STAT5B: variants seen among roughly 807,000 people sequenced by gnomAD.
The protein encoded by STAT5B is transcription factor STAT5B.
A neutral mutation model predicts 107.8 loss-of-function variants in STAT5B; 21 were observed. That is an observed-to-expected ratio of 0.19 (90% confidence interval 0.14 to 0.28). The LOEUF (loss-of-function observed/expected upper bound fraction) is 0.28, where lower values mean the gene tolerates loss of function less well. STAT5B is among the 10% of genes least tolerant of loss of function. The pLI, the probability that STAT5B is intolerant of heterozygous loss-of-function variation, is 1.00. For synonymous variants in STAT5B, 325 were observed against 401.7 expected, an observed-to-expected ratio of 0.81 and a Z score of 2.28; for missense variants, 565 against 1,008.2, an observed-to-expected ratio of 0.56 and a Z score of 5.95.
Position 42,215,997 on chromosome 17 carries a change from C to T in STAT5B, c.1473+17G>A. On this transcript the variant is annotated intron_variant, in intron 12 of 18. Transcript: ENST00000293328. ...GGCATTGATTTTGGGACCCACATGCCCGAGGAATACACTCACAGGCTCTGC... is the reference window on the plus strand; with the variant it reads ...GGCATTGATTTTGGGACCCACATGCTCGAGGAATACACTCACAGGCTCTGC... The T allele has an allele frequency of 6.2e-7, 1 of 1,613,416 alleles. No homozygotes were observed.
chr17:42,218,347 G>C lies in STAT5B; in HGVS notation c.990-17C>G. On this transcript the variant is annotated splice_polypyrimidine_tract_variant and intron_variant, in intron 8 of 18. Transcript: ENST00000293328. ...ATGAACGTGCTGCAGGGGACACAGG[G>C]ACAGATGCATGATGAGGGGCTGGTG... The C allele has an allele frequency of 6.2e-7, 1 of 1,610,788 alleles. No individual in the cohort carries two copies. The highest frequency in any genetic ancestry group is 2.2e-5 in the East Asian group (1 of 44,754).
intron 2 of STAT5B, among the ~76,000 whole-genome samples, chr17:42,227,986 A>G (rs375104496): frequency 1.3e-5 from 2 of 152,310 alleles, no homozygotes; most frequent in African/African-American, 4.8e-5. Flanking sequence ...GCTCCGAGAA[A>G]TGCAAGGAAA....
At chr17:42,233,308 A>G (rs963918538) in intron 1 of STAT5B, among the ~76,000 whole-genome samples, 1 of 152,214 alleles carries the variant, frequency 6.6e-6, no homozygotes, top group Non-Finnish European at 1.5e-5. Flanking sequence ...TGCTTTGCAC[A>G]CAAAGAGCAC....
intron 5 of STAT5B, among the ~76,000 whole-genome samples, chr17:42,220,531 G>A (rs964918169): frequency 2.6e-5 from 4 of 152,098 alleles, no homozygotes; most frequent in Non-Finnish European, 4.4e-5. Flanking sequence ...CCTCAGGGGA[G>A]GATGAGATTC....
rs2080247724 is a variant in STAT5B at position 42,223,501 on chromosome 17, A to T, written c.431T>A (p.Ile144Asn). 1.9e-6 allele frequency: 3 copies of T among 1,613,960 alleles called. No homozygotes were observed. Among genetic ancestry groups the T allele is most frequent in the Admixed American group, 1.7e-5 (1 of 59,992 alleles). ...TCGCAGCTCCTCAAACGTCTGGTTG[A>T]TCTGGAGGTGTTTCTGGGACATGGC... is the stretch of plus-strand genomic sequence containing the variant. ...ADAMSQKHLQ[I>N]NQTFEELRLV... The change falls in exon 5 of 19, where the codon ATC (isoleucine) becomes AAC (asparagine). Residue 144 changes from isoleucine (I) to asparagine (N), a missense_variant. Transcript: ENST00000293328.
chr17:42,221,494 G>A (rs146086228), intron 5 of STAT5B, among the ~76,000 whole-genome samples: 1,734 of 152,206 alleles, frequency 0.011, 19 homozygotes, highest in African/African-American at 0.04. Context: ...AAGACACTGC[G>A]TGATAGATCC....
chr17:42,219,552 G>A (rs577497085), intron 6 of STAT5B, 89 bp from the exon 7 acceptor site: 110 of 1,162,992 alleles, frequency 9.5e-5, no homozygotes, highest in East Asian at 8.3e-4. Context: ...GGCCCAGGCC[G>A]TTCCCTCTCC....
intron 15 of STAT5B, among the ~76,000 whole-genome samples, chr17:42,208,325 C>A (rs2080102470): frequency 6.6e-6 from 1 of 151,818 alleles, no homozygotes; most frequent in African/African-American, 2.4e-5. Context: ...ACATGATGAA[C>A]CCTGTCTCTA....
the STAT5B span, among the ~76,000 whole-genome samples, chr17:42,286,388 A>C: frequency 6.6e-6 from 1 of 152,134 alleles, no homozygotes; most frequent in Admixed American, 6.5e-5. Context: ...GAGGGCTCTG[A>C]AAACACAGCC....
At chr17:42,209,886 A>T (rs2080114846) in intron 15 of STAT5B, among the ~76,000 whole-genome samples, 1 of 152,192 alleles carries the variant, frequency 6.6e-6, no homozygotes, top group Admixed American at 6.5e-5. Context: ...GAAGCAACTG[A>T]GATTCTGCAC....
chr17:42,227,441 G>T, intron 3 of STAT5B, 88 bp downstream of exon 3: 1 of 1,584,768 alleles, frequency 6.3e-7, no homozygotes, highest in Non-Finnish European at 8.6e-7. Flanking sequence ...ACTCAACAAT[G>T]CTGGACTGAA....
chr17:42,228,540 G>T (rs528644834), intron 2 of STAT5B, among the ~76,000 whole-genome samples: 1 of 152,170 alleles, frequency 6.6e-6, no homozygotes, highest in Non-Finnish European at 1.5e-5. Flanking sequence ...ACTGGGTCTG[G>T]AGCCAAACAA....
chr17:42,226,255 GC>G lies in STAT5B; in HGVS notation c.285+1273del, dbSNP rs920723755. Among the ~76,000 whole-genome samples the G allele has an allele frequency of 5.3e-5, 8 of 151,998 alleles. 1 individual carries two copies. Among genetic ancestry groups the G allele is most frequent in the Non-Finnish European group, 1.0e-4 (7 of 68,004 alleles). ...CAGCCTACATTAATTATTTTAAAAT[GC>G]CAATGTAATGAAAGACAAAGTAAGG... On this transcript the variant is annotated intron_variant, in intron 3 of 18. Transcript: ENST00000293328.
At chr17:42,265,183 C>A (rs954486517) in intron 1 of STAT5B, among the ~76,000 whole-genome samples, 5 of 150,734 alleles carry the variant, frequency 3.3e-5, no homozygotes, top group African/African-American at 1.2e-4. Context: ...ATGGTAGTTT[C>A]TTTTGCTGTG....
At chr17:42,287,330 A>AACCC in the STAT5B span, among the ~76,000 whole-genome samples, 3 of 144,446 alleles carry the variant, frequency 2.1e-5, no homozygotes, top group African/African-American at 8.1e-5. Context: ...ATGAGAATGC[A>AACCC]CCCCCCCCAA....
Position 42,216,077 on chromosome 17 carries a change from A to C in STAT5B, c.1410T>G (p.Val470=). The change falls in exon 12 of 19, where the codon GTT becomes GTG. Residue 470 remains valine (V), a synonymous_variant. Transcript: ENST00000293328. ...TCGCATTGTTGTCCTGGCTGCCATG[A>C]ACGATCACCACCACTGGCAGGGACA... The part of the protein sequence containing the change: ...KTLSLPVVVI[V]HGSQDNNATA... The C allele has an allele frequency of 6.2e-7, 1 of 1,613,880 alleles. No individual in the cohort carries two copies. The highest frequency in any genetic ancestry group is 8.5e-7 in the Non-Finnish European group (1 of 1,179,952).
chr17:42,262,844 A>ATG (rs1567677024), intron 1 of STAT5B, among the ~76,000 whole-genome samples: 1 of 122,814 alleles, frequency 8.1e-6, no homozygotes, highest in African/African-American at 3.1e-5. Flanking sequence ...ACACACATAT[A>ATG]TATGTATATA....
rs961677996 is a variant in STAT5B at position 42,252,907 on chromosome 17, T to C, written c.-10-20770A>G. Among the ~76,000 whole-genome samples, 7 of 152,216 alleles carry C rather than the reference T, an allele frequency of 4.6e-5. No homozygotes were observed. The East Asian group carries it at 1.2e-3, about 25-fold the overall frequency. Reference sequence around the variant, plus strand: ...CAAACTAACCTTTCTTTTAATTATATCTCAAGAAAGAAGCTGAGTATAAAC... The same window carrying C: ...CAAACTAACCTTTCTTTTAATTATACCTCAAGAAAGAAGCTGAGTATAAAC... On this transcript the variant is annotated intron_variant, in intron 1 of 18. Transcript: ENST00000293328.
At chr17:42,264,175 GT>G (rs1403460465) in intron 1 of STAT5B, among the ~76,000 whole-genome samples, 2 of 151,680 alleles carry the variant, frequency 1.3e-5, no homozygotes, top group African/African-American at 4.8e-5. Flanking sequence ...GCTATTTTAA[GT>G]AACACTCCTT....
Sources: allele counts gnomAD v4.1 joint callset (sites outside exome capture counted in the v4.1 genomes callset), GRCh38; gene constraint gnomAD v4.1.1; transcripts MANE v1.5; gene names NCBI Gene and HGNC (gene_info 2026-07-23, HGNC 2026-07-21).